Variants in CDH18 observed in about 807,000 individuals in gnomAD.
CDH18 encodes cadherin-18.
CDH18 carries 31 observed loss-of-function variants against 67.9 expected under a neutral mutation model. That is an observed-to-expected ratio of 0.46 (90% CI 0.34 to 0.62). The LOEUF is 0.62. Ranked by LOEUF, CDH18 falls within the 20% of genes least tolerant of loss-of-function variation. The pLI, the probability that CDH18 is intolerant of heterozygous loss-of-function variation, is 0.01. For missense variants in CDH18, 890 were observed against 975.5 expected (o/e 0.91, Z 1.17); for synonymous variants, 362 against 347.2 (o/e 1.04, Z -0.48).
intron 8 of CDH18, among the ~76,000 whole-genome samples, chr5:19,545,145 T>C (rs973593436): frequency 6.6e-6 from 1 of 152,226 alleles, no homozygotes; most frequent in African/African-American, 2.4e-5. Context: ...CCTCTAATGC[T>C]TTTTTCTCTT....
chr5:20,536,404 C>T (rs1756724685), intron 1 of CDH18, among the ~76,000 whole-genome samples: 2 of 151,940 alleles, frequency 1.3e-5, no homozygotes, highest in South Asian at 2.1e-4. Flanking sequence ...ATCTGCAATA[C>T]CAGTGAGAAA....
intron 5 of CDH18, among the ~76,000 whole-genome samples, chr5:19,676,406 A>C (rs554668105): frequency 6.6e-6 from 1 of 152,152 alleles, no homozygotes; most frequent in Non-Finnish European, 1.5e-5. Context: ...AGGCAGGAGC[A>C]GGGCAGGAGA....
At chr5:19,541,406 G>A (rs1334084839) in intron 9 of CDH18, among the ~76,000 whole-genome samples, 9 of 151,920 alleles carry the variant, frequency 5.9e-5, no homozygotes, top group African/African-American at 1.9e-4. Flanking sequence ...ACTGTTACCC[G>A]ATTCCAAAGT....
At chr5:20,375,996 C>T (rs573951447) in intron 1 of CDH18, among the ~76,000 whole-genome samples, 1 of 150,738 alleles carries the variant, frequency 6.6e-6, no homozygotes. Flanking sequence ...GACTGGGCAA[C>T]GTGGTATGTT....
At chr5:20,505,872 G>A (rs891495246) in intron 1 of CDH18, among the ~76,000 whole-genome samples, 2 of 152,278 alleles carry the variant, frequency 1.3e-5, no homozygotes, top group African/African-American at 2.4e-5. Context: ...TGGACTTGCA[G>A]AGCATACACT....
At chr5:19,643,582 G>A (rs75161501) in intron 5 of CDH18, among the ~76,000 whole-genome samples, 2 of 152,230 alleles carry the variant, frequency 1.3e-5, no homozygotes, top group East Asian at 3.9e-4. Context: ...GATGCAGAAA[G>A]ACAAGTACTG....
At chr5:20,192,199 CG>C (rs1346602759) in intron 2 of CDH18, among the ~76,000 whole-genome samples, 2 of 147,998 alleles carry the variant, frequency 1.4e-5, no homozygotes, top group East Asian at 2.0e-4. Flanking sequence ...CACTTTTCGA[CG>C]TTTTTTTTTT....
intron 1 of CDH18, among the ~76,000 whole-genome samples, chr5:20,516,185 T>G (rs984831131): frequency 2.0e-5 from 3 of 152,034 alleles, no homozygotes; most frequent in Admixed American, 2.0e-4. Flanking sequence ...TTTTTTTCCT[T>G]TTGTAAAATA....
intron 2 of CDH18, among the ~76,000 whole-genome samples, chr5:20,039,870 T>C (rs1366056749): frequency 6.6e-6 from 1 of 152,086 alleles, no homozygotes; most frequent in East Asian, 1.9e-4. Context: ...ACTAAAGAGC[T>C]TCTGCACAGC....
intron 1 of CDH18, among the ~76,000 whole-genome samples, chr5:20,308,652 A>T (rs1269504972): frequency 6.6e-6 from 1 of 152,180 alleles, no homozygotes; most frequent in African/African-American, 2.4e-5. Context: ...AAAAGAACCT[A>T]CTAAGTTATT....
intron 2 of CDH18, among the ~76,000 whole-genome samples, chr5:20,070,810 A>G (rs1274866954): frequency 1.3e-5 from 2 of 152,226 alleles, no homozygotes; most frequent in African/African-American, 4.8e-5. Flanking sequence ...ATATTGTAGA[A>G]GAGATATAAC....
chr5:20,200,403 G>C (rs145593268), intron 2 of CDH18, among the ~76,000 whole-genome samples: 1 of 152,120 alleles, frequency 6.6e-6, no homozygotes, highest in African/African-American at 2.4e-5. Flanking sequence ...GTTGGGTGTC[G>C]TGGCTCACAC....
At chr5:20,545,857 T>C (rs1757313124) in intron 1 of CDH18, among the ~76,000 whole-genome samples, 1 of 152,196 alleles carries the variant, frequency 6.6e-6, no homozygotes. Context: ...TTTTCCTTTC[T>C]ACCCCATGAT....
chr5:19,740,825 A>G (rs1769014561), intron 4 of CDH18, among the ~76,000 whole-genome samples: 4 of 152,248 alleles, frequency 2.6e-5, no homozygotes, highest in Admixed American at 2.6e-4. Context: ...AAGACTATAT[A>G]AATTAGGCAT....
chr5:20,104,083 A>ATT (rs1269546439), intron 2 of CDH18, among the ~76,000 whole-genome samples: 7 of 150,616 alleles, frequency 4.6e-5, no homozygotes, highest in East Asian at 1.9e-4. Context: ...GATATAGATG[A>ATT]TTATATATAT....
chr5:20,272,230 A>C (rs1047760405), intron 1 of CDH18, among the ~76,000 whole-genome samples: 2 of 152,136 alleles, frequency 1.3e-5, no homozygotes, highest in African/African-American at 4.8e-5. Context: ...ACAGAGAGAC[A>C]CATTAATTTA....
intron 1 of CDH18, among the ~76,000 whole-genome samples, chr5:20,385,100 G>C (rs1744210014): frequency 6.6e-6 from 1 of 152,164 alleles, no homozygotes; most frequent in South Asian, 2.1e-4. Context: ...GCCACCCAAA[G>C]TGCTGGGGTT....
At chr5:20,321,109 A>G (rs959294786) in intron 1 of CDH18, among the ~76,000 whole-genome samples, 2 of 152,146 alleles carry the variant, frequency 1.3e-5, no homozygotes, top group African/African-American at 2.4e-5. Context: ...TACAGATTTC[A>G]TAGCTCTGCA....
At chr5:20,111,866 A>G (rs895188466) in intron 2 of CDH18, among the ~76,000 whole-genome samples, 6 of 152,080 alleles carry the variant, frequency 3.9e-5, no homozygotes, top group Non-Finnish European at 7.4e-5. Context: ...TTTTAATATT[A>G]ACTACTTACA....
Sources: gnomAD v4.1 joint callset for allele counts (sites outside exome capture counted in the v4.1 genomes callset) on GRCh38, gnomAD v4.1.1 for gene constraint, MANE v1.5 for transcripts, NCBI Gene and HGNC (gene_info 2026-07-23, HGNC 2026-07-21) for gene names.